The following GULP1 variants were observed in gnomAD, a reference collection of about 807,000 sequenced individuals.
GULP1 encodes the protein GULP PTB domain containing engulfment adaptor 1.
In GULP1, 19 loss-of-function variants were observed where a neutral mutation model predicts 40.9. The observed-to-expected ratio is 0.46, with a 90% CI of 0.32 to 0.68. GULP1 has a LOEUF of 0.68. GULP1 is among the 30% of genes least tolerant of loss of function. GULP1 has a pLI of 0.03. For missense variants in GULP1, 312 were observed against 362.2 expected (o/e 0.86, Z 1.12); for synonymous variants, 119 against 117.6 (o/e 1.01, Z -0.08).
chr2:188,345,898 C>A (rs928167398), intron 1 of GULP1, among the ~76,000 whole-genome samples: 42 of 152,300 alleles, frequency 2.8e-4, no homozygotes, highest in African/African-American at 9.9e-4. Flanking sequence ...CTTGCATATA[C>A]TGAATGTGTC....
intron 2 of GULP1, among the ~76,000 whole-genome samples, chr2:188,455,523 G>A (rs2059187724): frequency 6.6e-6 from 1 of 152,164 alleles, no homozygotes; most frequent in Non-Finnish European, 1.5e-5. Context: ...CACAGGATGT[G>A]ACTTGTTCCT....
chr2:188,299,530 G>C (rs1285506589), intron 1 of GULP1, among the ~76,000 whole-genome samples: 1 of 152,064 alleles, frequency 6.6e-6, no homozygotes, highest in African/African-American at 2.4e-5. Flanking sequence ...CTCATTCTGG[G>C]AAATATAACT....
chr2:188,314,049 C>A (rs541640799), intron 1 of GULP1, among the ~76,000 whole-genome samples: 88 of 151,532 alleles, frequency 5.8e-4, no homozygotes, highest in African/African-American at 2.1e-3. Context: ...TAATAAGACT[C>A]CATTCTTGGA....
At chr2:188,519,434 T>C (rs1170981579) in intron 4 of GULP1, among the ~76,000 whole-genome samples, 2 of 152,208 alleles carry the variant, frequency 1.3e-5, no homozygotes, top group African/African-American at 4.8e-5. Flanking sequence ...TTATAGTCTA[T>C]TACTGATAGA....
chr2:188,441,760 G>A (rs2057954834), intron 2 of GULP1, among the ~76,000 whole-genome samples: 1 of 152,158 alleles, frequency 6.6e-6, no homozygotes, highest in South Asian at 2.1e-4. Flanking sequence ...ACCTGCTGTG[G>A]TTTGGTTAAA....
At chr2:188,362,694 T>G (rs2046252567) in intron 1 of GULP1, among the ~76,000 whole-genome samples, 1 of 152,108 alleles carries the variant, frequency 6.6e-6, no homozygotes, top group Non-Finnish European at 1.5e-5. Flanking sequence ...TGCCAAGATA[T>G]TAGATGTTTG....
At chr2:188,445,545 A>G (rs545689859) in intron 2 of GULP1, among the ~76,000 whole-genome samples, 4 of 152,256 alleles carry the variant, frequency 2.6e-5, no homozygotes, top group African/African-American at 9.6e-5. Context: ...AGACCTCATC[A>G]TGTCTCTTAT....
intron 1 of GULP1, among the ~76,000 whole-genome samples, chr2:188,376,066 G>A (rs1574846322): frequency 6.6e-6 from 1 of 151,998 alleles, no homozygotes; most frequent in Non-Finnish European, 1.5e-5. Flanking sequence ...AACCCTGTGG[G>A]TATGGAGGGC....
intron 1 of GULP1, among the ~76,000 whole-genome samples, chr2:188,341,139 G>T (rs1402300121): frequency 1.3e-5 from 2 of 152,100 alleles, no homozygotes; most frequent in African/African-American, 2.4e-5. Context: ...CAGGGACCCT[G>T]ACCTTTTCTG....
intron 2 of GULP1, among the ~76,000 whole-genome samples, chr2:188,419,668 C>T (rs2055103082): frequency 1.3e-5 from 2 of 151,742 alleles, no homozygotes; most frequent in South Asian, 4.2e-4. Context: ...GTTTTTCACG[C>T]ATTGTTGATT....
intron 2 of GULP1, among the ~76,000 whole-genome samples, chr2:188,399,415 A>G (rs1450421239): frequency 6.6e-6 from 1 of 152,136 alleles, no homozygotes; most frequent in Non-Finnish European, 1.5e-5. Context: ...CAACTGATTA[A>G]CAGTTCTCAA....
At chr2:188,585,369 G>A (rs536005592) in intron 10 of GULP1, among the ~76,000 whole-genome samples, 13 of 152,220 alleles carry the variant, frequency 8.5e-5, no homozygotes, top group Non-Finnish European at 1.8e-4. Flanking sequence ...CCCCAGTGGG[G>A]ACTCTGTGTG....
intron 6 of GULP1, among the ~76,000 whole-genome samples, chr2:188,529,456 G>T (rs886964941): frequency 2.6e-5 from 4 of 152,084 alleles, no homozygotes; most frequent in Admixed American, 6.6e-5. Flanking sequence ...ATTTGGGAAT[G>T]TTTTTTTCAT....
At chr2:188,379,968 C>T (rs1384200262) in intron 1 of GULP1, among the ~76,000 whole-genome samples, 2 of 152,152 alleles carry the variant, frequency 1.3e-5, no homozygotes, top group Admixed American at 6.5e-5. Flanking sequence ...CTAGCCTTGC[C>T]TTGAACATAG....
At chr2:188,354,041 C>T (rs2044897337) in intron 1 of GULP1, among the ~76,000 whole-genome samples, 1 of 152,044 alleles carries the variant, frequency 6.6e-6, no homozygotes, top group African/African-American at 2.4e-5. Context: ...GGACTAGCCA[C>T]CTAGAGCATG....
At chr2:188,445,703 G>A (rs548548000) in intron 2 of GULP1, among the ~76,000 whole-genome samples, 2 of 152,172 alleles carry the variant, frequency 1.3e-5, no homozygotes, top group African/African-American at 4.8e-5. Flanking sequence ...AGAGATTTTT[G>A]GGACATTTAG....
intron 4 of GULP1, among the ~76,000 whole-genome samples, chr2:188,521,480 G>T (rs1417569983): frequency 6.6e-6 from 1 of 152,090 alleles, no homozygotes; most frequent in Non-Finnish European, 1.5e-5. Context: ...GTTCCACGGG[G>T]CTGGGGAGAC....
intron 3 of GULP1, among the ~76,000 whole-genome samples, chr2:188,479,809 A>G (rs564519074): frequency 6.6e-6 from 1 of 152,248 alleles, no homozygotes; most frequent in South Asian, 2.1e-4. Flanking sequence ...TAGTAATGTG[A>G]GTAACCAGTA....
intron 1 of GULP1, among the ~76,000 whole-genome samples, chr2:188,352,608 T>TCCCACA (rs773746742): frequency 0.036 from 1,571 of 43,432 alleles, 9 homozygotes; most frequent in Non-Finnish European, 0.047. Flanking sequence ...TCTTTCTCTC[T>TCCCACA]CTCTCTCTCT....
Sources: allele counts gnomAD v4.1 joint callset (sites outside exome capture counted in the v4.1 genomes callset), GRCh38; gene constraint gnomAD v4.1.1; transcripts MANE v1.5; gene names NCBI Gene and HGNC (gene_info 2026-07-23, HGNC 2026-07-21).